PCDHGB3: variants seen among roughly 807,000 people sequenced by gnomAD.
PCDHGB3 encodes protocadherin gamma subfamily B, 3, also known as protocadherin gamma-B3.
PCDHGB3 carries 40 observed loss-of-function variants against 59.2 expected under a neutral mutation model. The ratio of observed to expected loss-of-function variants is 0.68; its 90% CI spans 0.52 to 0.88. The LOEUF is 0.88. Among genes scored for constraint, PCDHGB3 ranks in the 40% least tolerant of loss-of-function variants. PCDHGB3 has a pLI of 0.00. For missense variants in PCDHGB3, 1,309 were observed against 1,187.9 expected (o/e 1.10, Z -1.50); for synonymous variants, 581 against 503.6 (o/e 1.15, Z -2.06).
At position 141,372,027 on chromosome 5, in the gene PCDHGB3, A is replaced by G. The variant is rs764132695; in HGVS notation, c.1633A>G (p.Asn545Asp). 1.9e-6 allele frequency: 3 copies of G among 1,613,296 alleles called. No homozygotes were observed. Among genetic ancestry groups the G allele is most frequent in the Non-Finnish European group, 2.5e-6 (3 of 1,179,758 alleles). Residue 545 changes from asparagine to aspartate, a missense_variant, in exon 1 of 4, where the codon AAC (asparagine) becomes GAC (aspartate). Physicochemically the swap from Asn to Asp is conservative, Grantham distance 23 (BLOSUM62 1). Transcript: ENST00000576222. ...CCAGGGCTCGCCTACGCTCAGCGCC[A>G]ACGTGAGCCTGCGCGTGTTGGTGGA... ...RDQGSPTLSA[N>D]VSLRVLVDDR...
intron 1 of PCDHGB3, among the ~76,000 whole-genome samples, chr5:141,455,428 GA>G (rs2098822635): frequency 6.6e-6 from 1 of 152,176 alleles, no homozygotes; most frequent in Non-Finnish European, 1.5e-5. Context: ...GGCTCCAAAA[GA>G]GGAGGTCCCC....
At chr5:141,383,401 CAG>C (rs1246270441) in intron 1 of PCDHGB3, 1 of 1,614,016 alleles carries the variant, frequency 6.2e-7, no homozygotes. Context: ...GAACTCCCTC[CAG>C]AGTTACCAGC....
rs1001717368 is a variant in PCDHGB3 at position 141,405,559 on chromosome 5, G to A, written c.2415+32750G>A. ...CTCAGCCTCCCAAGTAGAGTAGCTG[G>A]GACTAGAGTAGAGTAGCTGGGACTA... On this transcript the variant is annotated intron_variant, in intron 1 of 3. Transcript: ENST00000576222. 1.8e-5 allele frequency: 11 copies of A among 614,566 alleles called. No individual in the cohort carries two copies. In the Admixed American group the frequency reaches 2.9e-4, roughly 16 times the overall value. The allele number at this position is 614,566 out of a possible 1,614,324, so 38.1% of individuals were successfully genotyped here.
intron 1 of PCDHGB3, 110 bp downstream of exon 1, chr5:141,372,919 A>AT (rs1186389143): frequency 7.2e-5 from 73 of 1,017,918 alleles, no homozygotes; most frequent in Non-Finnish European, 9.7e-5. Context: ...TATTTTATTG[A>AT]TTTTCTGGTG....
chr5:141,433,555 G>C (rs1434189062), intron 1 of PCDHGB3, among the ~76,000 whole-genome samples: 1 of 152,088 alleles, frequency 6.6e-6, no homozygotes, highest in African/African-American at 2.4e-5. Flanking sequence ...TTCTTTTCTG[G>C]CTGGGCGCGG....
rs756243026 is a variant in PCDHGB3, at chr5:141,487,478, T to C, written c.2416-7329T>C. On this transcript the variant is annotated intron_variant, in intron 1 of 3. Transcript: ENST00000576222. This position sits in a 1 kb window ranked among gnomAD's most constrained non-coding sequence, Gnocchi z 5.0. ...CAAGTTTGTTGATGTGGGAGGCCAC[T>C]CTCATGGCTGTACACCCTTGGCTTC... is the stretch of plus-strand genomic sequence containing the variant. 6 of 1,614,078 alleles carry C rather than the reference T, an allele frequency of 3.7e-6. No individual in the cohort carries two copies. In the Admixed American group the frequency reaches 1.0e-4, roughly 27 times the overall value.
Position 141,494,815 on chromosome 5 carries a change from G to C in PCDHGB3, c.2424G>C (p.Pro808=). 6.2e-7 allele frequency: 1 copy of C among 1,613,976 alleles called. No individual in the cohort carries two copies. The highest frequency in any genetic ancestry group is 8.5e-7 in the Non-Finnish European group (1 of 1,179,982). Residue 808 remains proline, a synonymous_variant, in exon 2 of 4, where the codon CCG becomes CCC. Transcript: ENST00000576222. Reference sequence around the variant, plus strand: ...CTCTGTTTTCTCCACAGCAAGCCCCGCCCAACACGGACTGGCGTTTCTCTC... The same window carrying C: ...CTCTGTTTTCTCCACAGCAAGCCCCCCCCAACACGGACTGGCGTTTCTCTC... ...SNSGNLQKQA[P]PNTDWRFSQA...
At chr5:141,398,667 A>G (rs750777887) in intron 1 of PCDHGB3, 1 of 1,614,006 alleles carries the variant, frequency 6.2e-7, no homozygotes, top group Admixed American at 1.7e-5. Flanking sequence ...GTTTCTCATT[A>G]ATAATTAAGG....
In PCDHGB3 at chr5:141,505,470, C is replaced by T. The variant is rs1241228956; in HGVS notation, c.2552C>T (p.Ala851Val). Reference protein sequence around the residue: ...DTEMLQAMILASASEAADGSS... With the variant: ...DTEMLQAMILVSASEAADGSS... ...GAGATGCTGCAAGCCATGATCTTGG[C>T]GTCCGCCAGTGGTAAGTGGTGTCAG... The change falls in exon 3 of 4, where the codon GCG becomes GTG. Residue 851 changes from alanine (A) to valine (V), a missense_variant. By Grantham distance (64) the Ala-to-Val change is moderately conservative. Transcript: ENST00000576222. 2 of 1,614,068 alleles carry T rather than the reference C, an allele frequency of 1.2e-6. No individual in the cohort carries two copies. Among genetic ancestry groups the T allele is most frequent in the Non-Finnish European group, 8.5e-7 (1 of 1,180,010 alleles).
Position 141,478,120 on chromosome 5 carries a change from G to A in PCDHGB3, c.2416-16687G>A, listed in dbSNP as rs772548778. 3.1e-6 allele frequency: 5 copies of A among 1,613,948 alleles called. No homozygotes were observed. In the Admixed American group the frequency reaches 6.7e-5, roughly 22 times the overall value. ...CTACCCTCACTGTGTCAGTAACCGA[G>A]GACTCTCCTGAAGCCCGAGCCGAGT... On this transcript the variant is annotated intron_variant, in intron 1 of 3. Coordinates refer to ENST00000576222, the MANE Select transcript of PCDHGB3 (RefSeq NM_018924.5).
intron 1 of PCDHGB3, among the ~76,000 whole-genome samples, chr5:141,380,646 A>T (rs1221627488): frequency 6.6e-6 from 1 of 152,256 alleles, no homozygotes; most frequent in Non-Finnish European, 1.5e-5. Context: ...AATGCTAGAG[A>T]CAATGAAGCC....
Position 141,370,820 on chromosome 5 carries a change from C to CA in PCDHGB3, c.427dup (p.Ser143LysfsTer19). The CA allele has an allele frequency of 6.2e-7, 1 of 1,614,062 alleles. No individual in the cohort carries two copies. The highest frequency in any genetic ancestry group is 8.5e-7 in the Non-Finnish European group (1 of 1,179,898). On this transcript the variant is annotated frameshift_variant, in exon 1 of 4. Coordinates refer to ENST00000576222, the MANE Select transcript of PCDHGB3 (RefSeq NM_018924.5). LOFTEE classifies it high-confidence loss of function. The stretch of plus-strand genomic sequence containing the variant: ...GCCAAAATATCACTGAGCTGGAAAT[C>CA]AGCGAACTGGCTCTCACTGGAGCCA...
intron 3 of PCDHGB3, chr5:141,507,166 GTCC>G (rs1475125845): frequency 6.6e-5 from 10 of 152,288 alleles, no homozygotes; most frequent in Non-Finnish European, 1.2e-4. Context: ...ATGAGAGGCT[GTCC>G]TCTTCCTCGA....
chr5:141,388,985 C>T, intron 1 of PCDHGB3: 1 of 1,613,958 alleles, frequency 6.2e-7, no homozygotes, highest in South Asian at 1.1e-5. Flanking sequence ...TTGCTTTGCT[C>T]AAAGTCCGTG....
At position 141,487,074 on chromosome 5, in the gene PCDHGB3, T is replaced by C; in HGVS notation, c.2416-7733T>C. The C allele has an allele frequency of 6.2e-7, 1 of 1,614,104 alleles. No homozygotes were observed. The highest frequency in any genetic ancestry group is 8.5e-7 in the Non-Finnish European group (1 of 1,179,978). Reference sequence around the variant, plus strand: ...GGGGAGGTGCGGACGGCTGTTCCTATCCCAGCTGACCTCCCACCACAGAAG... The same window carrying C: ...GGGGAGGTGCGGACGGCTGTTCCTACCCCAGCTGACCTCCCACCACAGAAG... On this transcript the variant is annotated intron_variant, in intron 1 of 3. Transcript: ENST00000576222. The surrounding 1 kb of genome is among the most constrained non-coding windows in gnomAD (Gnocchi z 5.0).
chr5:141,393,613 G>A, intron 1 of PCDHGB3: 1 of 1,613,926 alleles, frequency 6.2e-7, no homozygotes, highest in Non-Finnish European at 8.5e-7. Flanking sequence ...GTAACAGCCA[G>A]CGACCCGGAT....
intron 1 of PCDHGB3, among the ~76,000 whole-genome samples, chr5:141,456,790 C>T (rs1364747385): frequency 6.6e-6 from 1 of 151,976 alleles, no homozygotes; most frequent in Admixed American, 6.6e-5. Flanking sequence ...TGGCAAAACC[C>T]CATCTCTACT....
chr5:141,464,980 GATCCT>G (rs2154568684), intron 1 of PCDHGB3, among the ~76,000 whole-genome samples: 1 of 151,990 alleles, frequency 6.6e-6, no homozygotes, highest in East Asian at 1.9e-4. Flanking sequence ...GGCTTCAAGT[GATCCT>G]CCCACCTCAG....
In PCDHGB3 at chr5:141,491,158, GA is replaced by G; in HGVS notation, c.2416-3648del. On this transcript the variant is annotated intron_variant, in intron 1 of 3. Transcript: ENST00000576222. This position sits in a 1 kb window ranked among gnomAD's most constrained non-coding sequence, Gnocchi z 6.9. ...CCGGGCCTTACTGGAGGATGACTCT[GA>G]CACCCAGCAGGTGGTGGTCCTGGTG... 6.2e-7 allele frequency: 1 copy of G among 1,614,130 alleles called. No homozygotes were observed. The highest frequency in any genetic ancestry group is 8.5e-7 in the Non-Finnish European group (1 of 1,179,972).
Sources: allele counts gnomAD v4.1 joint callset (sites outside exome capture counted in the v4.1 genomes callset), GRCh38; gene constraint gnomAD v4.1.1; non-coding constraint Gnocchi (gnomAD v3.1); transcripts MANE v1.5; gene names NCBI Gene and HGNC (gene_info 2026-07-23, HGNC 2026-07-21).